The following HTR4 variants were observed in gnomAD, a reference collection of about 807,000 sequenced individuals.
The protein encoded by HTR4 is 5-hydroxytryptamine (serotonin) receptor 4, G protein-coupled.
Under a neutral mutation model 36.8 loss-of-function variants are expected in HTR4, and 16 were observed. The ratio of observed to expected loss-of-function variants is 0.43; its 90% CI spans 0.29 to 0.66. The LOEUF is 0.66. Among genes scored for constraint, HTR4 ranks in the 30% least tolerant of loss-of-function variants. The pLI is 0.13. For missense variants in HTR4, 438 were observed against 490.9 expected, an observed-to-expected ratio of 0.89 and a Z score of 1.02; for synonymous variants, 189 against 185.1, an observed-to-expected ratio of 1.02 and a Z score of -0.17.
chr5:148,602,009 T>C (rs1457441736), intron 2 of HTR4, among the ~76,000 whole-genome samples: 4 of 152,128 alleles, frequency 2.6e-5, no homozygotes. Flanking sequence ...AGTCAAATGG[T>C]GCAAAGTTTC....
intron 1 of HTR4, 136 bp from the exon 2 acceptor site, chr5:148,637,197 A>G: frequency 1.6e-6 from 1 of 637,828 alleles, no homozygotes; most frequent in Non-Finnish European, 2.8e-6. Flanking sequence ...AACAATACTA[A>G]AGCAAAAAGC....
chr5:148,512,322 A>T (rs188105707), intron 5 of HTR4, among the ~76,000 whole-genome samples: 1 of 152,288 alleles, frequency 6.6e-6, no homozygotes, highest in East Asian at 1.9e-4. Context: ...TTCTTATTGC[A>T]GTTTTACTGT....
At chr5:148,517,707 T>TA (rs1757825542) in intron 5 of HTR4, among the ~76,000 whole-genome samples, 1 of 152,176 alleles carries the variant, frequency 6.6e-6, no homozygotes. Flanking sequence ...TCTCGATTGT[T>TA]ATCACTGAGG....
At chr5:148,505,391 T>C (rs1296878138) in intron 6 of HTR4, among the ~76,000 whole-genome samples, 1 of 152,068 alleles carries the variant, frequency 6.6e-6, no homozygotes, top group Admixed American at 6.6e-5. Flanking sequence ...TAAGAGCTAT[T>C]TATGACAAAC....
intron 2 of HTR4, among the ~76,000 whole-genome samples, chr5:148,576,143 T>C (rs1468044292): frequency 3.8e-5 from 3 of 79,208 alleles, no homozygotes; most frequent in Admixed American, 3.7e-4. Flanking sequence ...ACAAAATCAA[T>C]GTAAAAAATC....
rs527342626 is a variant in HTR4 at position 148,523,402 on chromosome 5, G to A, written c.354-56C>T. The A allele has an allele frequency of 9.4e-5, 135 of 1,438,928 alleles. No homozygotes were observed. The African/African-American group carries it at 1.7e-3, about 18-fold the overall frequency. The allele number at this position is 1,438,928 out of a possible 1,614,324, so 89.1% of individuals were successfully genotyped here. On this transcript the variant is annotated intron_variant, in intron 4 of 6. Transcript: ENST00000377888. ...CATGGGCAAGGAGGAATGGGAGGGA[G>A]AGAAAAGAGAATATATGAGAGAGAA...
rs138543244 is a variant in HTR4 at position 148,508,122 on chromosome 5, A to T, written c.1076+1334T>A. Among the ~76,000 whole-genome samples the T allele has an allele frequency of 6.1e-3, 933 of 152,316 alleles. 12 individuals carry two copies. The highest frequency in any genetic ancestry group is 0.021 in the African/African-American group (891 of 41,572). On this transcript the variant is annotated intron_variant, in intron 6 of 6. Transcript: ENST00000377888. ...GGCACAGGATTTATATTTTATAGCA[A>T]TTCTTATTTTTCTTTTCTTCTTTTC...
chr5:148,471,200 C>T (rs1400483230), intron 5 of HTR4, among the ~76,000 whole-genome samples: 2 of 152,170 alleles, frequency 1.3e-5, no homozygotes, highest in Non-Finnish European at 2.9e-5. Context: ...GTACTTTCTC[C>T]AGTCAATTTT....
chr5:148,599,898 T>C (rs993195320), intron 2 of HTR4, among the ~76,000 whole-genome samples: 6 of 151,952 alleles, frequency 3.9e-5, no homozygotes, highest in African/African-American at 1.4e-4. Flanking sequence ...AACATAAGCA[T>C]ATTTTAATCT....
At chr5:148,554,861 TCA>T in intron 2 of HTR4, among the ~76,000 whole-genome samples, 1 of 152,114 alleles carries the variant, frequency 6.6e-6, no homozygotes, top group East Asian at 1.9e-4. Context: ...TGTAATGTAC[TCA>T]GTGTTCAGCC....
chr5:148,611,528 C>T (rs1307115155), intron 2 of HTR4, among the ~76,000 whole-genome samples: 10 of 132,730 alleles, frequency 7.5e-5, no homozygotes, highest in South Asian at 2.9e-4. Context: ...CTGAAGGAAG[C>T]GCTAAACATG....
chr5:148,476,587 A>G, downstream of HTR4: 1 of 1,479,534 alleles, frequency 6.8e-7, no homozygotes, highest in Non-Finnish European at 9.0e-7. Flanking sequence ...GTGGGCTGGT[A>G]CAGTGGAGAT....
intron 5 of HTR4, among the ~76,000 whole-genome samples, chr5:148,522,943 A>G (rs887453454): frequency 4.6e-5 from 7 of 152,184 alleles, no homozygotes; most frequent in African/African-American, 1.4e-4. Context: ...TGGGTGATGC[A>G]AAAACAGACA....
At chr5:148,556,483 A>G (rs1036610724) in intron 2 of HTR4, among the ~76,000 whole-genome samples, 42 of 152,352 alleles carry the variant, frequency 2.8e-4, no homozygotes, top group African/African-American at 9.9e-4. Flanking sequence ...TTGAGTGCCA[A>G]CTATATACCA....
intron 2 of HTR4, among the ~76,000 whole-genome samples, chr5:148,597,268 A>T (rs1453852175): frequency 2.0e-5 from 3 of 152,208 alleles, no homozygotes; most frequent in African/African-American, 7.2e-5. Flanking sequence ...TGCATGTCAT[A>T]TTCATTTCTG....
rs976256314 is a variant in HTR4 at position 148,482,371 on chromosome 5, G to A, written c.*832C>T. 5 of 985,482 alleles carry A rather than the reference G, an allele frequency of 5.1e-6. No homozygotes were observed. Among genetic ancestry groups the A allele is most frequent in the Non-Finnish European group, 6.0e-6 (5 of 829,992 alleles). The allele number at this position is 985,482 out of a possible 1,614,324, so 61.0% of individuals were successfully genotyped here. On this transcript the variant is annotated 3_prime_UTR_variant, in exon 7 of 7. Transcript: ENST00000377888. The stretch of plus-strand genomic sequence containing the variant: ...CCCTGCCCAAGGCTTTTTAGAAGAC[G>A]TCCCGTTCTAGCCCAGCAGGAGAGC...
chr5:148,586,473 T>G (rs1761354424), intron 2 of HTR4, among the ~76,000 whole-genome samples: 1 of 151,892 alleles, frequency 6.6e-6, no homozygotes, highest in Non-Finnish European at 1.5e-5. Flanking sequence ...CACAAGGCAC[T>G]TCTTACATGG....
intron 6 of HTR4, among the ~76,000 whole-genome samples, chr5:148,484,883 C>T (rs1313731611): frequency 3.3e-5 from 5 of 152,130 alleles, no homozygotes; most frequent in Admixed American, 6.6e-5. Context: ...CAAGATGTGC[C>T]CTCAGGCCTT....
At chr5:148,609,410 A>G (rs946002507) in intron 2 of HTR4, among the ~76,000 whole-genome samples, 8 of 152,124 alleles carry the variant, frequency 5.3e-5, no homozygotes, top group Admixed American at 4.6e-4. Flanking sequence ...AAGGATATGA[A>G]TTTTTGAATT....
Sources: allele counts gnomAD v4.1 joint callset (sites outside exome capture counted in the v4.1 genomes callset), GRCh38; gene constraint gnomAD v4.1.1; transcripts MANE v1.5; gene names NCBI Gene and HGNC (gene_info 2026-07-23, HGNC 2026-07-21).